The following WWTR1 variants were observed in gnomAD, a reference collection of about 807,000 sequenced individuals.
WWTR1 encodes WW domain containing transcription regulator 1.
Under a neutral mutation model 40.1 loss-of-function variants are expected in WWTR1, and 13 were observed. The ratio of observed to expected loss-of-function variants is 0.32; its 90% CI spans 0.21 to 0.52. WWTR1 has a LOEUF of 0.52. Among genes scored for constraint, WWTR1 ranks in the 20% least tolerant of loss-of-function variants. The pLI, the probability that WWTR1 is intolerant of heterozygous loss-of-function variation, is 0.97. For missense variants in WWTR1, 436 were observed against 523.1 expected (o/e 0.83, Z 1.63); for synonymous variants, 230 against 210.1 (o/e 1.09, Z -0.82).
intron 2 of WWTR1, among the ~76,000 whole-genome samples, chr3:149,592,278 CTTAA>C (rs1248852152): frequency 3.3e-5 from 5 of 152,164 alleles, no homozygotes; most frequent in African/African-American, 9.7e-5. Context: ...ACTTTTTTCA[CTTAA>C]TTATTACTAT....
At chr3:149,684,178 A>T (rs970873792) in intron 1 of WWTR1, among the ~76,000 whole-genome samples, 4 of 150,980 alleles carry the variant, frequency 2.6e-5, no homozygotes, top group Non-Finnish European at 3.0e-5. Flanking sequence ...TTATTTAGAA[A>T]ATATATATAT....
intron 5 of WWTR1, among the ~76,000 whole-genome samples, chr3:149,527,428 T>G (rs544384762): frequency 6.6e-6 from 1 of 152,328 alleles, no homozygotes; most frequent in African/African-American, 2.4e-5. Context: ...ATTATAGGCA[T>G]GAGCCACCAT....
chr3:149,607,359 G>C (rs931772021), intron 2 of WWTR1, among the ~76,000 whole-genome samples: 1 of 152,152 alleles, frequency 6.6e-6, no homozygotes, highest in Non-Finnish European at 1.5e-5. Context: ...CTGTTGCCCA[G>C]GTTGGAGTGC....
At chr3:149,552,614 AG>A (rs1194505855) in intron 3 of WWTR1, among the ~76,000 whole-genome samples, 3 of 152,208 alleles carry the variant, frequency 2.0e-5, no homozygotes, top group African/African-American at 7.2e-5. Context: ...TTGCCTGCTT[AG>A]CCCCATTTCA....
intron 4 of WWTR1, among the ~76,000 whole-genome samples, chr3:149,722,608 T>C (rs1715779258): frequency 6.6e-6 from 1 of 152,154 alleles, no homozygotes; most frequent in South Asian, 2.1e-4. Flanking sequence ...TCTTCAAATA[T>C]TCTCTCTTCC....
At chr3:149,543,896 A>G (rs979393835) in intron 3 of WWTR1, among the ~76,000 whole-genome samples, 2 of 149,950 alleles carry the variant, frequency 1.3e-5, no homozygotes, top group African/African-American at 2.4e-5. Context: ...AAAACATTTT[A>G]TAATATATGT....
chr3:149,603,708 C>G (rs1162330394), intron 2 of WWTR1, among the ~76,000 whole-genome samples: 1 of 151,950 alleles, frequency 6.6e-6, no homozygotes, highest in Non-Finnish European at 1.5e-5. Flanking sequence ...CTATTCCACA[C>G]AGAAAGTTTT....
intron 1 of WWTR1, among the ~76,000 whole-genome samples, chr3:149,688,455 G>C (rs1202926767): frequency 1.3e-5 from 2 of 152,176 alleles, no homozygotes; most frequent in East Asian, 3.9e-4. Flanking sequence ...CTATTTGAGG[G>C]AAAGTAGGGA....
At chr3:149,525,222 G>T (rs1440482938) in intron 6 of WWTR1, among the ~76,000 whole-genome samples, 1 of 152,110 alleles carries the variant, frequency 6.6e-6, no homozygotes, top group Non-Finnish European at 1.5e-5. Context: ...GAGTTGCTCA[G>T]CATTCCAAAT....
At chr3:149,683,443 C>T (rs1714526471) in intron 1 of WWTR1, among the ~76,000 whole-genome samples, 1 of 152,174 alleles carries the variant, frequency 6.6e-6, no homozygotes, top group South Asian at 2.1e-4. Context: ...CCTGTAATCC[C>T]AGCACTTTGG....
At chr3:149,535,709 T>TAA (rs35300491) in intron 4 of WWTR1, among the ~76,000 whole-genome samples, 186 of 143,486 alleles carry the variant, frequency 1.3e-3, no homozygotes, top group South Asian at 4.2e-3. Flanking sequence ...TGTCTTCACT[T>TAA]AAAAAAAAAA....
chr3:149,607,652 C>G (rs1049525465), intron 2 of WWTR1, among the ~76,000 whole-genome samples: 2 of 152,192 alleles, frequency 1.3e-5, no homozygotes, highest in African/African-American at 2.4e-5. Context: ...CTGAATTGAT[C>G]TTCCCTAAAG....
chr3:149,690,745 T>C (rs2108212907), intron 1 of WWTR1, among the ~76,000 whole-genome samples: 1 of 152,320 alleles, frequency 6.6e-6, no homozygotes, highest in South Asian at 2.1e-4. Flanking sequence ...TCAGACTTAA[T>C]CTGCACTATA....
At chr3:149,672,925 G>A (rs1439294991) in intron 1 of WWTR1, among the ~76,000 whole-genome samples, 1 of 151,772 alleles carries the variant, frequency 6.6e-6, no homozygotes, top group Admixed American at 6.6e-5. Flanking sequence ...TGGGACTACA[G>A]GCGCATGCTA....
At chr3:149,708,487 G>A (rs887358584) in intron 5 of WWTR1, among the ~76,000 whole-genome samples, 1 of 152,076 alleles carries the variant, frequency 6.6e-6, no homozygotes, top group African/African-American at 2.4e-5. Flanking sequence ...CCCCACTGCT[G>A]CCCTGCTTCT....
intron 2 of WWTR1, among the ~76,000 whole-genome samples, chr3:149,645,781 C>T (rs564082753): frequency 6.6e-6 from 1 of 152,188 alleles, no homozygotes; most frequent in Non-Finnish European, 1.5e-5. Context: ...GCAGAAAAGC[C>T]ATCACAAATG....
At chr3:149,652,580 C>T (rs561808512) in intron 2 of WWTR1, among the ~76,000 whole-genome samples, 1 of 115,892 alleles carries the variant, frequency 8.6e-6, no homozygotes, top group Admixed American at 1.2e-4. Context: ...CTATGATTCC[C>T]ACTGCACTCT....
intron 3 of WWTR1, among the ~76,000 whole-genome samples, chr3:149,544,811 G>A (rs1736293510): frequency 6.6e-6 from 1 of 152,194 alleles, no homozygotes; most frequent in Non-Finnish European, 1.5e-5. Context: ...ATCAAAATAG[G>A]GACCCAAATG....
Position 149,542,426 on chromosome 3 carries a change from G to A in WWTR1, c.680C>T (p.Thr227Ile), listed in dbSNP as rs1439965613. 1 of 1,614,034 alleles carries A rather than the reference G, an allele frequency of 6.2e-7. No homozygotes were observed. The highest frequency in any genetic ancestry group is 8.5e-7 in the Non-Finnish European group (1 of 1,180,020). ...CAGTTTCTGCTGCTGCTGCTGCTGA[G>A]TGGTCAGCGCATTGGGCATACTCAT... ...GLMSMPNALTTQQQQQQKLRL... is the reference protein window; with the variant it reads ...GLMSMPNALTIQQQQQQKLRL... The change falls in exon 4 of 7, where the codon ACT (threonine) becomes ATT (isoleucine). Residue 227 changes from threonine to isoleucine, a missense_variant. Transcript: ENST00000360632.
Sources: allele counts gnomAD v4.1 joint callset (sites outside exome capture counted in the v4.1 genomes callset), GRCh38; gene constraint gnomAD v4.1.1; transcripts MANE v1.5; gene names NCBI Gene and HGNC (gene_info 2026-07-23, HGNC 2026-07-21).